ZNF521: variants seen among roughly 807,000 people sequenced by gnomAD.
ZNF521 encodes the protein LYST-interacting protein 3.
ZNF521 carries 14 observed loss-of-function variants against 105.5 expected under a neutral mutation model. That is an observed-to-expected ratio of 0.13 (90% CI 0.09 to 0.21). The LOEUF is 0.21. Among genes scored for constraint, ZNF521 ranks in the 10% least tolerant of loss-of-function variants. The probability of loss-of-function intolerance (pLI) is 1.00; values close to 1 mark genes in which losing one functional copy is unlikely to be tolerated. For synonymous variants in ZNF521, 635 were observed against 606.0 expected (o/e 1.05, Z -0.70); for missense variants, 1,233 against 1,629.7 (o/e 0.76, Z 4.19).
Position 25,062,056 on chromosome 18 carries a change from A to G in ZNF521, c.*656T>C, listed in dbSNP as rs1260581798. The G allele has an allele frequency of 5.1e-6, 1 of 197,066 alleles. No homozygotes were observed. Among genetic ancestry groups the G allele is most frequent in the Non-Finnish European group, 1.1e-5 (1 of 95,132 alleles). 12.2% of individuals were successfully genotyped at this position (197,066 alleles called of 1,614,324 possible). ...TGATTCAAGAATTTGGCTGCGTGAAATCATTAAGGAAAACCTTGAACACTC... is the reference window on the plus strand; with the variant it reads ...TGATTCAAGAATTTGGCTGCGTGAAGTCATTAAGGAAAACCTTGAACACTC... On this transcript the variant is annotated 3_prime_UTR_variant, in exon 8 of 8. Coordinates refer to ENST00000361524, the MANE Select transcript of ZNF521 (RefSeq NM_015461.3).
chr18:25,317,141 G>T (rs1385201081), intron 3 of ZNF521, among the ~76,000 whole-genome samples: 1 of 152,060 alleles, frequency 6.6e-6, no homozygotes, highest in Non-Finnish European at 1.5e-5. Context: ...ACAGACATGA[G>T]CCACGACGCC....
intron 4 of ZNF521, among the ~76,000 whole-genome samples, chr18:25,210,342 A>C (rs1199390551): frequency 6.6e-6 from 1 of 152,134 alleles, no homozygotes; most frequent in Admixed American, 6.5e-5. Flanking sequence ...CCTAAGGACA[A>C]TCTTTCCTTC....
At chr18:25,105,785 A>C (rs2034060083) in intron 5 of ZNF521, among the ~76,000 whole-genome samples, 2 of 152,158 alleles carry the variant, frequency 1.3e-5, no homozygotes, top group Non-Finnish European at 2.9e-5. Flanking sequence ...ATCGGAGCAA[A>C]TTTTTAGTTA....
intron 3 of ZNF521, among the ~76,000 whole-genome samples, chr18:25,245,103 T>C (rs1171231198): frequency 1.3e-5 from 2 of 152,352 alleles, no homozygotes; most frequent in East Asian, 3.9e-4. Context: ...CAAATTTTCA[T>C]TGATCTCATT....
At chr18:25,345,667 A>C (rs1289413370) in intron 2 of ZNF521, among the ~76,000 whole-genome samples, 1 of 152,140 alleles carries the variant, frequency 6.6e-6, no homozygotes, top group Non-Finnish European at 1.5e-5. Context: ...TTTGACTAGC[A>C]CTCATGGGAT....
intron 3 of ZNF521, among the ~76,000 whole-genome samples, chr18:25,285,698 T>TCA (rs66794523): frequency 0.12 from 18,060 of 146,886 alleles, 1,104 homozygotes; most frequent in East Asian, 0.26. Flanking sequence ...TCTCTCTCTC[T>TCA]CACACACACA....
At chr18:25,238,516 G>C (rs1907082981) in intron 3 of ZNF521, among the ~76,000 whole-genome samples, 1 of 152,148 alleles carries the variant, frequency 6.6e-6, no homozygotes, top group African/African-American at 2.4e-5. Flanking sequence ...GGGTGGTATG[G>C]TCGGATCAGG....
intron 4 of ZNF521, among the ~76,000 whole-genome samples, chr18:25,215,916 A>T (rs1216354926): frequency 1.3e-5 from 2 of 152,176 alleles, no homozygotes; most frequent in East Asian, 3.8e-4. Flanking sequence ...CAACAACAAC[A>T]ATACAGATTG....
At chr18:25,297,912 T>C (rs953101509) in intron 3 of ZNF521, among the ~76,000 whole-genome samples, 1 of 152,178 alleles carries the variant, frequency 6.6e-6, no homozygotes, top group African/African-American at 2.4e-5. Context: ...ATTCTTAGAC[T>C]TTTTGATTGA....
chr18:25,197,350 T>C (rs1395307429), intron 4 of ZNF521, among the ~76,000 whole-genome samples: 1 of 151,846 alleles, frequency 6.6e-6, no homozygotes, highest in Non-Finnish European at 1.5e-5. Context: ...TTCACCATAT[T>C]TTTCACATTT....
rs753159830 is a variant in ZNF521 at position 25,225,338 on chromosome 18, A to G, written c.2580T>C (p.Thr860=). The G allele has an allele frequency of 7.4e-6, 12 of 1,614,136 alleles. No homozygotes were observed. In the South Asian group the frequency reaches 1.3e-4, roughly 18 times the overall value. ...GGGACTCCTGGCTGTTGGTCAGCAAAGTCTGCAGCTCCACTTCCTCTTTCT... is the reference window on the plus strand; with the variant it reads ...GGGACTCCTGGCTGTTGGTCAGCAAGGTCTGCAGCTCCACTTCCTCTTTCT... ...QVQKEEVELQ[T]LLTNSQESHN... The change falls in exon 4 of 8, where the codon ACT becomes ACC. Residue 860 remains threonine, a synonymous_variant. Transcript: ENST00000361524. This position sits in a 1 kb window ranked among gnomAD's most constrained non-coding sequence, Gnocchi z 5.6.
At chr18:25,218,482 TAAAAAAAAAAAAAA>T (rs35500329) in intron 4 of ZNF521, among the ~76,000 whole-genome samples, 1 of 79,844 alleles carries the variant, frequency 1.3e-5, no homozygotes, top group East Asian at 3.4e-4. Context: ...TCGAGCCTAC[TAAAAAAAAAAAAAA>T]AAAAAAAAAA....
intron 5 of ZNF521, among the ~76,000 whole-genome samples, chr18:25,127,176 T>C (rs1269542044): frequency 6.6e-6 from 1 of 151,874 alleles, no homozygotes; most frequent in African/African-American, 2.4e-5. Context: ...AAAGGAGATT[T>C]TTGTGTGGGT....
At chr18:25,317,515 T>G (rs1912705535) in intron 3 of ZNF521, among the ~76,000 whole-genome samples, 1 of 152,158 alleles carries the variant, frequency 6.6e-6, no homozygotes, top group South Asian at 2.1e-4. Flanking sequence ...GAGGACCCAC[T>G]CTTACCAAAG....
chr18:25,112,051 G>A (rs895650640), intron 5 of ZNF521, among the ~76,000 whole-genome samples: 1 of 152,158 alleles, frequency 6.6e-6, no homozygotes, highest in African/African-American at 2.4e-5. Context: ...AAATCTGCAG[G>A]AGGCTCCAGT....
intron 5 of ZNF521, among the ~76,000 whole-genome samples, chr18:25,132,089 G>T (rs1361860617): frequency 2.6e-5 from 4 of 152,272 alleles, no homozygotes; most frequent in African/African-American, 7.2e-5. Context: ...GAAAAAGGAG[G>T]TTATCAAGGT....
intron 4 of ZNF521, among the ~76,000 whole-genome samples, chr18:25,205,743 A>G (rs950195830): frequency 6.6e-6 from 1 of 152,318 alleles, no homozygotes; most frequent in Admixed American, 6.5e-5. Context: ...TCCATTAAGA[A>G]ATACTTTCCT....
intron 1 of ZNF521, 65 bp from the exon 2 acceptor site, chr18:25,351,012 G>GCGCGCCCCTCGGGCCGCGGCGCCT (rs1245574558): frequency 3.6e-6 from 5 of 1,377,984 alleles, no homozygotes; most frequent in Non-Finnish European, 4.8e-6. Context: ...CCTCGTGGCC[G>GCGCGCCCCTCGGGCCGCGGCGCCT]CGCGCCCCTC....
chr18:25,237,604 A>G (rs1368628047), intron 3 of ZNF521, among the ~76,000 whole-genome samples: 1 of 152,202 alleles, frequency 6.6e-6, no homozygotes, highest in African/African-American at 2.4e-5. Context: ...TGTATAAGAA[A>G]AGAATCCAAG....
Sources: gnomAD v4.1 joint callset for allele counts (sites outside exome capture counted in the v4.1 genomes callset) on GRCh38, gnomAD v4.1.1 for gene constraint, Gnocchi (gnomAD v3.1) non-coding constraint, MANE v1.5 for transcripts, NCBI Gene and HGNC (gene_info 2026-07-23, HGNC 2026-07-21) for gene names.